ZFHX3: variants seen among roughly 807,000 people sequenced by gnomAD.
ZFHX3 encodes zinc finger homeobox protein 3.
Under a neutral mutation model 279.1 loss-of-function variants are expected in ZFHX3, and 42 were observed. That is an observed-to-expected ratio of 0.15 (90% CI 0.12 to 0.19). The LOEUF is 0.19. Ranked by LOEUF, ZFHX3 falls within the 10% of genes least tolerant of loss-of-function variation. ZFHX3 has a pLI of 1.00. For synonymous variants in ZFHX3, 2,293 were observed against 1,957.8 expected (o/e 1.17, Z -4.52); for missense variants, 4,981 against 4,754.0 (o/e 1.05, Z -1.40).
chr16:73,168,502 T>C (rs1317244191), intron 5 of ZFHX3, among the ~76,000 whole-genome samples: 1 of 152,130 alleles, frequency 6.6e-6, no homozygotes, highest in African/African-American at 2.4e-5. Flanking sequence ...GCAGGTCTCC[T>C]ACCCCAGCCT....
At chr16:73,592,999 G>A (rs1260859589) in intron 2 of ZFHX3, among the ~76,000 whole-genome samples, 1 of 151,916 alleles carries the variant, frequency 6.6e-6, no homozygotes, top group Non-Finnish European at 1.5e-5. Context: ...AAGTTTATAT[G>A]AATAAATTTG....
At chr16:72,938,717 G>A (rs1239515314) in intron 3 of ZFHX3, among the ~76,000 whole-genome samples, 1 of 152,214 alleles carries the variant, frequency 6.6e-6, no homozygotes, top group African/African-American at 2.4e-5. Flanking sequence ...GCAAGACCCT[G>A]GAGGTGAAGA....
intron 1 of ZFHX3, among the ~76,000 whole-genome samples, chr16:73,814,124 A>G (rs1225758859): frequency 4.6e-5 from 7 of 152,220 alleles, no homozygotes; most frequent in African/African-American, 1.7e-4. Flanking sequence ...GTGTGATAAG[A>G]ATGCTGAATG....
intron 3 of ZFHX3, among the ~76,000 whole-genome samples, chr16:72,901,705 G>C (rs1490806991): frequency 6.6e-6 from 1 of 152,228 alleles, no homozygotes; most frequent in African/African-American, 2.4e-5. Flanking sequence ...GGGACCAACA[G>C]TGAAATGAGA....
At chr16:73,626,151 C>T (rs566422823) in intron 2 of ZFHX3, among the ~76,000 whole-genome samples, 354 of 152,284 alleles carry the variant, frequency 2.3e-3, no homozygotes, top group African/African-American at 8.0e-3. Context: ...CCACCACGCC[C>T]GGCCGAAATA....
chr16:73,135,829 C>T (rs1004202795), intron 6 of ZFHX3, among the ~76,000 whole-genome samples: 10 of 151,558 alleles, frequency 6.6e-5, no homozygotes, highest in African/African-American at 1.2e-4. Flanking sequence ...TCCCTATTGC[C>T]TTATACTAGG....
chr16:73,343,986 A>G (rs2016080484), intron 3 of ZFHX3, among the ~76,000 whole-genome samples: 1 of 152,236 alleles, frequency 6.6e-6, no homozygotes, highest in African/African-American at 2.4e-5. Context: ...CATCACAGTA[A>G]TAACTGGTTC....
chr16:73,572,664 A>T (rs825680), intron 2 of ZFHX3, among the ~76,000 whole-genome samples: 49,128 of 151,976 alleles, frequency 0.32, 8,792 homozygotes, highest in Non-Finnish European at 0.42. Context: ...GTGAATACCA[A>T]ACCAGAAGCT....
intron 2 of ZFHX3, among the ~76,000 whole-genome samples, chr16:73,560,886 T>C (rs1425297652): frequency 6.6e-6 from 1 of 152,182 alleles, no homozygotes; most frequent in Non-Finnish European, 1.5e-5. Context: ...ATTCTGTTCC[T>C]TATTTAAAAG....
intron 2 of ZFHX3, among the ~76,000 whole-genome samples, chr16:73,610,454 C>CT (rs1324350938): frequency 3.9e-5 from 6 of 152,198 alleles, no homozygotes. Context: ...TTTTCCCCCT[C>CT]TGCTTCATAC....
intron 5 of ZFHX3, among the ~76,000 whole-genome samples, chr16:73,209,180 TA>T (rs1403964084): frequency 6.6e-6 from 1 of 152,218 alleles, no homozygotes; most frequent in African/African-American, 2.4e-5. Context: ...AGAAATATTT[TA>T]AAAATTCATT....
intron 3 of ZFHX3, among the ~76,000 whole-genome samples, chr16:73,323,889 G>A (rs527824878): frequency 1.3e-5 from 2 of 152,232 alleles, no homozygotes; most frequent in Admixed American, 6.5e-5. Context: ...CTGGGCTTAA[G>A]AGGATTGGCA....
chr16:73,510,463 A>G (rs539068027), intron 2 of ZFHX3, among the ~76,000 whole-genome samples: 1 of 152,326 alleles, frequency 6.6e-6, no homozygotes, highest in South Asian at 2.1e-4. Context: ...TAACTATAAC[A>G]TCAATCAAAT....
At chr16:72,898,069 G>A (rs928308119) in intron 3 of ZFHX3, among the ~76,000 whole-genome samples, 7 of 152,120 alleles carry the variant, frequency 4.6e-5, no homozygotes, top group South Asian at 4.1e-4. Flanking sequence ...CAGTCAGATC[G>A]CGTTATAGTT....
intron 5 of ZFHX3, among the ~76,000 whole-genome samples, chr16:73,226,255 G>C (rs1041657546): frequency 5.3e-5 from 8 of 152,170 alleles, no homozygotes; most frequent in Admixed American, 4.6e-4. Flanking sequence ...ATGGAAACAG[G>C]AAACTGTAGA....
chr16:73,328,487 A>G (rs908938272), intron 3 of ZFHX3, among the ~76,000 whole-genome samples: 2 of 152,206 alleles, frequency 1.3e-5, no homozygotes, highest in African/African-American at 4.8e-5. Context: ...TGACATTTTA[A>G]TGAGGCACGT....
At chr16:73,261,298 T>C (rs531452254) in intron 4 of ZFHX3, among the ~76,000 whole-genome samples, 6 of 152,164 alleles carry the variant, frequency 3.9e-5, no homozygotes, top group South Asian at 4.1e-4. Context: ...GAAATATATA[T>C]ACAGTTACAG....
At chr16:72,803,060 G>T (rs902531422) in intron 7 of ZFHX3, among the ~76,000 whole-genome samples, 1 of 152,166 alleles carries the variant, frequency 6.6e-6, no homozygotes, top group African/African-American at 2.4e-5. Flanking sequence ...GGCCGGGTGC[G>T]GTGGCTCAAG....
intron 2 of ZFHX3, among the ~76,000 whole-genome samples, chr16:73,582,317 G>C (rs1433365690): frequency 6.6e-6 from 1 of 151,540 alleles, no homozygotes; most frequent in East Asian, 1.9e-4. Flanking sequence ...TCTTCCATGG[G>C]GTTGTCTAAA....
Sources: gnomAD v4.1 joint callset for allele counts (sites outside exome capture counted in the v4.1 genomes callset) on GRCh38, gnomAD v4.1.1 for gene constraint, MANE v1.5 for transcripts, NCBI Gene and HGNC (gene_info 2026-07-23, HGNC 2026-07-21) for gene names.